The following TAF8 variants were observed in gnomAD, a reference collection of about 807,000 sequenced individuals.
TAF8 encodes the protein transcription initiation factor TFIID subunit 8.
TAF8 carries 47 observed loss-of-function variants against 36.5 expected under a neutral mutation model. That is an observed-to-expected ratio of 1.29 (90% confidence interval 1.02 to 1.64). The LOEUF (loss-of-function observed/expected upper bound fraction) is 1.64, where lower values mean the gene tolerates loss of function less well. Ranked by LOEUF, TAF8 falls within the 40% of genes most tolerant of loss-of-function variation. The pLI is 0.00. For missense variants in TAF8, 420 were observed against 407.6 expected (o/e 1.03, Z -0.26); for synonymous variants, 175 against 159.5 (o/e 1.10, Z -0.73).
rs763892040 is a variant in TAF8 at position 42,056,015 on chromosome 6, G to T, written c.364+1G>T. Reference sequence around the variant, plus strand: ...TCTCAGAGGATGGTCATCACTGCTCGTAAGTGACTTTGAACTGAGGTACTT... The same window carrying T: ...TCTCAGAGGATGGTCATCACTGCTCTTAAGTGACTTTGAACTGAGGTACTT... On this transcript the variant is annotated splice_donor_variant, in intron 4 of 8. Coordinates refer to ENST00000372977, the MANE Select transcript of TAF8 (RefSeq NM_138572.3). LOFTEE classifies it high-confidence loss of function. 3.1e-6 allele frequency: 5 copies of T among 1,603,742 alleles called. No homozygotes were observed. The highest frequency in any genetic ancestry group is 2.7e-5 in the African/African-American group (2 of 74,716).
At chr6:42,074,770 C>T (rs1765688932) in intron 7 of TAF8, among the ~76,000 whole-genome samples, 1 of 151,936 alleles carries the variant, frequency 6.6e-6, no homozygotes, top group Non-Finnish European at 1.5e-5. Context: ...CTCTTCACCT[C>T]AGGTGATCCA....
At chr6:42,070,695 A>G (rs539015426) in intron 7 of TAF8, among the ~76,000 whole-genome samples, 3 of 152,318 alleles carry the variant, frequency 2.0e-5, no homozygotes, top group Admixed American at 1.3e-4. Flanking sequence ...AAATGAAGGA[A>G]TTAAGAGAGG....
At position 42,057,555 on chromosome 6, in the gene TAF8, G is replaced by A. The variant is rs376326364; in HGVS notation, c.489+42G>A. 4.7e-5 allele frequency: 76 copies of A among 1,610,600 alleles called. No homozygotes were observed. The Middle Eastern group carries it at 4.9e-4, about 10-fold the overall frequency. On this transcript the variant is annotated intron_variant, in intron 5 of 8. Transcript: ENST00000372977. ...TGGGACTGCGCGTGGTGTAAAGCAC[G>A]GAGTCAGTTCCTACTGACTGTCACG...
At chr6:42,076,910 T>A (rs1387422899) in intron 7 of TAF8, among the ~76,000 whole-genome samples, 190 bp from the exon 8 acceptor site, 1 of 152,166 alleles carries the variant, frequency 6.6e-6, no homozygotes, top group African/African-American at 2.4e-5. Context: ...GCTGTTAGTC[T>A]TGCCTTCCCT....
At chr6:42,086,102 T>C (rs1347363842), downstream of TAF8, among the ~76,000 whole-genome samples, 2 of 152,218 alleles carry the variant, frequency 1.3e-5, no homozygotes, top group South Asian at 4.1e-4. Flanking sequence ...CGTCCAGCAC[T>C]GTGAGAAATA....
chr6:42,080,373 C>CT lies in TAF8; in HGVS notation c.*2844dup, dbSNP rs751949509. ...AGGCTATACTCTTTTTTTTTCTTTTCTTTTTTTTTTTTTTTTGAGACGGCA... is the reference window on the plus strand; with the variant it reads ...AGGCTATACTCTTTTTTTTTCTTTTCTTTTTTTTTTTTTTTTTGAGACGGCA... On this transcript the variant is annotated 3_prime_UTR_variant, in exon 9 of 9. Transcript: ENST00000372977. The CT allele has an allele frequency of 0.028, 20,636 of 740,688 alleles. 8 individuals are homozygous for CT. Among genetic ancestry groups the CT allele is most frequent in the African/African-American group, 0.034 (1,050 of 30,948 alleles). 45.9% of individuals were successfully genotyped at this position (740,688 alleles called of 1,614,324 possible).
chr6:42,050,899 AT>A, intron 1 of TAF8: 1 of 1,188,788 alleles, frequency 8.4e-7, no homozygotes, highest in Non-Finnish European at 1.0e-6. Context: ...GTTTCAAAAT[AT>A]TTAGCTTTCT....
Position 42,050,531 on chromosome 6 carries a change from G to A in TAF8, c.-11G>A, listed in dbSNP as rs920648748. ...CGCGCCCCGCGCTCGCGCACACTAC[G>A]CCAGAACAAGATGGCCGACGCGGCG... On this transcript the variant is annotated 5_prime_UTR_variant, in exon 1 of 9. Transcript: ENST00000372977. 10 of 1,347,948 alleles carry A rather than the reference G, an allele frequency of 7.4e-6. No homozygotes were observed. Among genetic ancestry groups the A allele is most frequent in the South Asian group, 2.5e-5 (2 of 81,434 alleles). 83.5% of individuals were successfully genotyped at this position (1,347,948 alleles called of 1,614,324 possible).
intron 5 of TAF8, 49 bp downstream of exon 5, chr6:42,057,562 G>C: frequency 6.2e-7 from 1 of 1,605,426 alleles, no homozygotes. Flanking sequence ...CACGGAGTCA[G>C]TTCCTACTGA....
intron 2 of TAF8, among the ~76,000 whole-genome samples, chr6:42,053,011 T>A (rs936917408): frequency 6.6e-6 from 1 of 152,224 alleles, no homozygotes; most frequent in African/African-American, 2.4e-5. Context: ...TTGGCACTTT[T>A]AAATACCAAA....
At chr6:42,084,053 T>C (rs998895209), downstream of TAF8, among the ~76,000 whole-genome samples, 1 of 151,536 alleles carries the variant, frequency 6.6e-6, no homozygotes, top group East Asian at 2.0e-4. Flanking sequence ...TGGTGGCGGG[T>C]GCCTGTAGTC....
At position 42,078,091 on chromosome 6, in the gene TAF8, A is replaced by G. The variant is rs1765815804; in HGVS notation, c.*546A>G. Reference sequence around the variant, plus strand: ...TTTTTAATAGAGATAAGGTTTCGCCATGTTGGCCAGGCTGGTCTTGAACTC... The same window carrying G: ...TTTTTAATAGAGATAAGGTTTCGCCGTGTTGGCCAGGCTGGTCTTGAACTC... On this transcript the variant is annotated 3_prime_UTR_variant, in exon 9 of 9. Transcript: ENST00000372977. 1 of 417,264 alleles carries G rather than the reference A, an allele frequency of 2.4e-6. No homozygotes were observed. Among genetic ancestry groups the G allele is most frequent in the Non-Finnish European group, 3.2e-6 (1 of 310,270 alleles). 25.8% of individuals were successfully genotyped at this position (417,264 alleles called of 1,614,324 possible). A position where few individuals can be genotyped will look rare whatever the true frequency, so the allele number is the denominator to read the frequency against.
intron 7 of TAF8, among the ~76,000 whole-genome samples, chr6:42,072,465 T>C (rs1055755352): frequency 6.6e-6 from 1 of 152,208 alleles, no homozygotes; most frequent in Non-Finnish European, 1.5e-5. Flanking sequence ...TGTAGCCTTC[T>C]AGAGACATTT....
Position 42,079,984 on chromosome 6 carries a change from G to A in TAF8, c.*2439G>A. 1.0e-6 allele frequency: 1 copy of A among 957,988 alleles called. No individual in the cohort carries two copies. Among genetic ancestry groups the A allele is most frequent in the Non-Finnish European group, 1.2e-6 (1 of 818,208 alleles). 59.3% of individuals were successfully genotyped at this position (957,988 alleles called of 1,614,324 possible). Reference sequence around the variant, plus strand: ...AGAGCTGCTTGTCAGGAACGGAAGAGGGGACGCTAGTAAAAAAAAAAAAAT... The same window carrying A: ...AGAGCTGCTTGTCAGGAACGGAAGAAGGGACGCTAGTAAAAAAAAAAAAAT... On this transcript the variant is annotated 3_prime_UTR_variant, in exon 9 of 9. Transcript: ENST00000372977.
chr6:42,085,420 G>A (rs1766012206), downstream of TAF8, among the ~76,000 whole-genome samples: 1 of 152,200 alleles, frequency 6.6e-6, no homozygotes, highest in Non-Finnish European at 1.5e-5. Context: ...TGGTCTGAAT[G>A]TTTGTGTCCC....
At position 42,072,536 on chromosome 6, in the gene TAF8, T is replaced by G. The variant is rs564213011; in HGVS notation, c.780+3929T>G. 2.6e-5 allele frequency among the ~76,000 whole-genome samples: 4 copies of G among 152,226 alleles called. No individual in the cohort carries two copies. The East Asian group carries it at 7.7e-4, about 29-fold the overall frequency. On this transcript the variant is annotated intron_variant, in intron 7 of 8. Coordinates refer to ENST00000372977, the MANE Select transcript of TAF8 (RefSeq NM_138572.3). ...ACAAACTGTTCTCTTCTTGCTTTTT[T>G]CCTGGCTGTATCTTGGCGGTCATTC... is the stretch of plus-strand genomic sequence containing the variant.
intron 7 of TAF8, among the ~76,000 whole-genome samples, chr6:42,074,444 C>T (rs1294726083): frequency 1.3e-5 from 2 of 152,166 alleles, no homozygotes; most frequent in African/African-American, 4.8e-5. Flanking sequence ...AGGGTGTAGG[C>T]CTTGCTAGAG....
At chr6:42,071,650 A>G (rs1172276127) in intron 7 of TAF8, among the ~76,000 whole-genome samples, 1 of 150,196 alleles carries the variant, frequency 6.7e-6, no homozygotes, top group Non-Finnish European at 1.5e-5. Flanking sequence ...TTTTTTAAAT[A>G]TTGAATTATT....
At chr6:42,058,035 A>G (rs1447780766) in intron 5 of TAF8, among the ~76,000 whole-genome samples, 1 of 152,212 alleles carries the variant, frequency 6.6e-6, no homozygotes, top group African/African-American at 2.4e-5. Context: ...GAGTTTTCCA[A>G]ATTTTCCATA....
Sources: allele counts gnomAD v4.1 joint callset (sites outside exome capture counted in the v4.1 genomes callset), GRCh38; gene constraint gnomAD v4.1.1; transcripts MANE v1.5; gene names NCBI Gene and HGNC (gene_info 2026-07-23, HGNC 2026-07-21).